The following GRID2 variants were observed in gnomAD, a reference collection of about 807,000 sequenced individuals.
GRID2 encodes the protein glutamate ionotropic receptor delta type subunit 2.
Under a neutral mutation model 114.8 loss-of-function variants are expected in GRID2, and 33 were observed. The ratio of observed to expected loss-of-function variants is 0.29; its 90% confidence interval spans 0.22 to 0.38. The LOEUF is 0.38. GRID2 is among the 10% of genes least tolerant of loss of function. The pLI is 1.00. For synonymous variants in GRID2, 505 were observed against 449.9 expected, an observed-to-expected ratio of 1.12 and a Z score of -1.55; for missense variants, 1,184 against 1,257.7, an observed-to-expected ratio of 0.94 and a Z score of 0.89.
intron 4 of GRID2, among the ~76,000 whole-genome samples, chr4:93,189,520 AG>A (rs1307669090): frequency 6.6e-6 from 1 of 152,150 alleles, no homozygotes; most frequent in African/African-American, 2.4e-5. Flanking sequence ...GGAATTTTGG[AG>A]GGATACAAAC....
intron 2 of GRID2, among the ~76,000 whole-genome samples, chr4:92,968,336 T>A (rs1338408091): frequency 6.6e-6 from 1 of 151,920 alleles, no homozygotes; most frequent in African/African-American, 2.4e-5. Context: ...GTATCACTAT[T>A]TGTTGAGAGA....
chr4:92,424,156 T>C (rs1732038423), intron 1 of GRID2, among the ~76,000 whole-genome samples: 1 of 152,084 alleles, frequency 6.6e-6, no homozygotes, highest in South Asian at 2.1e-4. Context: ...AATTCTCTAG[T>C]AGTCTGTCTT....
intron 1 of GRID2, among the ~76,000 whole-genome samples, chr4:92,396,582 G>C (rs941954420): frequency 1.3e-5 from 2 of 152,002 alleles, no homozygotes; most frequent in African/African-American, 2.4e-5. Context: ...CTAGGAGTGA[G>C]AGCCTAATTA....
chr4:93,258,475 A>G (rs891614417), intron 8 of GRID2, among the ~76,000 whole-genome samples: 2 of 151,742 alleles, frequency 1.3e-5, no homozygotes, highest in African/African-American at 4.8e-5. Flanking sequence ...TTATATCAAT[A>G]TTACTTTCAT....
chr4:93,599,859 T>G (rs1739492746), intron 13 of GRID2, among the ~76,000 whole-genome samples: 1 of 152,124 alleles, frequency 6.6e-6, no homozygotes, highest in East Asian at 1.9e-4. Flanking sequence ...AGGATGGAGT[T>G]AGGGTTGCTA....
In GRID2 at chr4:93,465,128, A is replaced by G. The variant is rs1046582090; in HGVS notation, c.1858+9154A>G. The stretch of plus-strand genomic sequence containing the variant: ...CATGCAGCTCCATCATAGAATCACA[A>G]TTGTCATGCTGAGGAAACACAAGAC... On this transcript the variant is annotated intron_variant, in intron 11 of 15. Coordinates refer to ENST00000282020, the MANE Select transcript of GRID2 (RefSeq NM_001510.4). Among the ~76,000 whole-genome samples, 6 of 152,296 alleles carry G rather than the reference A, an allele frequency of 3.9e-5. No individual in the cohort carries two copies. The East Asian group carries it at 5.8e-4, about 15-fold the overall frequency.
Position 92,908,561 on chromosome 4 carries a change from CA to C in GRID2, c.245-176415del, listed in dbSNP as rs762037449. Among the ~76,000 whole-genome samples the C allele has an allele frequency of 9.6e-3, 346 of 35,964 alleles. 1 individual carries two copies. The highest frequency in any genetic ancestry group is 0.019 in the African/African-American group (215 of 11,286). 23.6% of individuals were successfully genotyped at this position (35,964 alleles called of 152,430 possible). On this transcript the variant is annotated intron_variant, in intron 2 of 15. Transcript: ENST00000282020. Reference sequence around the variant, plus strand: ...CGGACGACAGAGCAAGACTCCATCTCAAAAAAAAAAAAAAAAAAAGCAGCCA... The same window carrying C: ...CGGACGACAGAGCAAGACTCCATCTCAAAAAAAAAAAAAAAAAAGCAGCCA...
intron 13 of GRID2, among the ~76,000 whole-genome samples, chr4:93,593,218 C>T (rs1738601156): frequency 6.8e-6 from 1 of 146,092 alleles, no homozygotes; most frequent in Admixed American, 6.9e-5. Flanking sequence ...ATGTTTAGCG[C>T]TTCCTTCAGG....
rs146775598 is a variant in GRID2, at chr4:93,653,844, G to A, written c.2360+27409G>A. Among the ~76,000 whole-genome samples, 12 of 152,128 alleles carry A rather than the reference G, an allele frequency of 7.9e-5. No individual in the cohort carries two copies. In the South Asian group the frequency reaches 8.3e-4, roughly 11 times the overall value. On this transcript the variant is annotated intron_variant, in intron 14 of 15. Transcript: ENST00000282020. ...GATTTTCTTAGGAGCTCTACCTTTG[G>A]ACAAGCAGGAGTTAGCAAGAAGTAT...
chr4:93,207,743 A>C (rs1245563316), intron 5 of GRID2, among the ~76,000 whole-genome samples: 2 of 152,004 alleles, frequency 1.3e-5, no homozygotes, highest in African/African-American at 4.8e-5. Flanking sequence ...TAAAAAGTAC[A>C]GTTCTACTTT....
At chr4:93,775,589 C>T (rs1053840899), downstream of GRID2, among the ~76,000 whole-genome samples, 1 of 152,148 alleles carries the variant, frequency 6.6e-6, no homozygotes, top group Admixed American at 6.5e-5. Context: ...GGTTTTTTGG[C>T]CCATTGTTTG....
chr4:92,622,387 C>A (rs371981976), intron 2 of GRID2, among the ~76,000 whole-genome samples: 2 of 151,528 alleles, frequency 1.3e-5, no homozygotes, highest in Admixed American at 6.6e-5. Flanking sequence ...GAAAAAAATT[C>A]TCTTGGAGTG....
intron 8 of GRID2, among the ~76,000 whole-genome samples, chr4:93,279,787 G>A (rs1422184799): frequency 6.6e-6 from 1 of 151,896 alleles, no homozygotes; most frequent in Non-Finnish European, 1.5e-5. Flanking sequence ...GACAAATACA[G>A]TTAGAAAACA....
At chr4:92,676,254 C>T (rs1450899609) in intron 2 of GRID2, among the ~76,000 whole-genome samples, 4 of 26 alleles carry the variant, frequency 0.15, no homozygotes, top group African/African-American at 0.19. Flanking sequence ...TATCTCGGCT[C>T]ACTGCAAGTC....
intron 4 of GRID2, among the ~76,000 whole-genome samples, chr4:93,118,776 A>G (rs998741214): frequency 6.6e-6 from 1 of 152,342 alleles, no homozygotes; most frequent in East Asian, 1.9e-4. Flanking sequence ...ACTAAAGGTT[A>G]TGATGAGGTC....
At chr4:93,151,679 G>A (rs1306797274) in intron 4 of GRID2, among the ~76,000 whole-genome samples, 1 of 152,084 alleles carries the variant, frequency 6.6e-6, no homozygotes, top group Non-Finnish European at 1.5e-5. Context: ...ATATACCACT[G>A]TTAAAAATAT....
rs748004176 is a variant in GRID2 at position 93,018,702 on chromosome 4, G to A, written c.245-66293G>A. Among the ~76,000 whole-genome samples, 4 of 152,108 alleles carry A rather than the reference G, an allele frequency of 2.6e-5. No homozygotes were observed. In the South Asian group the frequency reaches 6.2e-4, roughly 24 times the overall value. ...TCTAATTTTACCACTGGTGTAAAGA[G>A]AAAGTAAGTTAAAAAATCCCAAATC... On this transcript the variant is annotated intron_variant, in intron 2 of 15. Coordinates refer to ENST00000282020, the MANE Select transcript of GRID2 (RefSeq NM_001510.4).
At chr4:92,471,392 GCTTGAGTGGTTAGA>G (rs769319315) in intron 1 of GRID2, among the ~76,000 whole-genome samples, 17 of 152,004 alleles carry the variant, frequency 1.1e-4, no homozygotes, top group Non-Finnish European at 1.9e-4. Flanking sequence ...GAAGTTAAAG[GCTTGAGTGGTTAGA>G]CTGTTGGTAA....
intron 13 of GRID2, among the ~76,000 whole-genome samples, chr4:93,526,047 A>G (rs1384688960): frequency 2.0e-5 from 3 of 152,200 alleles, no homozygotes; most frequent in Non-Finnish European, 2.9e-5. Flanking sequence ...ATTAAAAATT[A>G]TAATCCTACT....
Sources: allele counts gnomAD v4.1 joint callset (sites outside exome capture counted in the v4.1 genomes callset), GRCh38; gene constraint gnomAD v4.1.1; transcripts MANE v1.5; gene names NCBI Gene and HGNC (gene_info 2026-07-23, HGNC 2026-07-21).